Variants in VSIG4 observed in about 807,000 individuals in gnomAD.
VSIG4 encodes V-set and immunoglobulin domain-containing protein 4.
Under a neutral mutation model 23.4 loss-of-function variants are expected in VSIG4, and 34 were observed. The ratio of observed to expected loss-of-function variants is 1.45; its 90% CI spans 1.10 to 1.93. The LOEUF (loss-of-function observed/expected upper bound fraction) is 1.93. Ranked by LOEUF, VSIG4 falls within the 30% of genes most tolerant of loss-of-function variation. VSIG4 has a pLI of 0.00. For synonymous variants in VSIG4, 169 were observed against 120.3 expected, an observed-to-expected ratio of 1.41 and a Z score of -2.65; for missense variants, 433 against 310.8, an observed-to-expected ratio of 1.39 and a Z score of -2.96.
rs140572213 is a variant in VSIG4, at chrX:66,035,522, T to C, written c.56-1692A>G. Reference sequence around the variant, plus strand: ...CTAATCTTAGGTGGTCAAGTGTTAATAGGCTATAATAGAAATAGAAGTTAT... The same window carrying C: ...CTAATCTTAGGTGGTCAAGTGTTAACAGGCTATAATAGAAATAGAAGTTAT... On this transcript the variant is annotated intron_variant, in intron 1 of 7. Transcript: ENST00000374737. 4.8e-3 allele frequency among the ~76,000 whole-genome samples: 539 copies of C among 111,242 alleles called. 4 individuals are homozygous for C. The highest frequency in any genetic ancestry group is 0.017 in the African/African-American group (517 of 30,582).
intron 1 of VSIG4, among the ~76,000 whole-genome samples, chrX:66,038,100 G>A (rs1377131220): frequency 9.0e-6 from 1 of 111,268 alleles, no homozygotes; most frequent in Non-Finnish European, 1.9e-5. Context: ...AAATGTTTCT[G>A]AAATGTTTAA....
rs1241972370 is a variant in VSIG4 at position 66,027,482 on chromosome X, C to T, written c.802G>A (p.Asp268Asn). The change falls in exon 5 of 8, where the codon GAT (aspartate) becomes AAT (asparagine). Residue 268 changes from aspartate to asparagine, a missense_variant. By Grantham distance (23) the Asp-to-Asn change is conservative. Coordinates refer to ENST00000374737, the MANE Select transcript of VSIG4 (RefSeq NM_007268.3). ...GCACTGGTCTCTCCAAGGTAGCCAT[C>T]CATGTCAGTGGTCCAGTCCCAGGAC... ...KQSWDWTTDM[D>N]GYLGETSAGP... The T allele has an allele frequency of 1.7e-6, 2 of 1,205,172 alleles. No individual in the cohort carries two copies. Among genetic ancestry groups the T allele is most frequent in the Non-Finnish European group, 2.2e-6 (2 of 891,807 alleles).
chrX:66,024,873 C>T (rs1017402996), intron 6 of VSIG4, 152 bp downstream of exon 6: 13 of 375,544 alleles, frequency 3.5e-5, no homozygotes, highest in Admixed American at 5.2e-5. Context: ...TTTGCTCGAA[C>T]ATCTGCCTCC....
chrX:66,028,893 G>A (rs1478284501), intron 3 of VSIG4, among the ~76,000 whole-genome samples: 2 of 111,461 alleles, frequency 1.8e-5, no homozygotes, highest in African/African-American at 3.3e-5. Flanking sequence ...GGATGGGGTA[G>A]CATTTGTCAC....
At position 66,022,640 on chromosome X, in the gene VSIG4, C is replaced by G. The variant is rs2085346038; in HGVS notation, c.963-140G>C. ...TTCTGGAAGCAGAAGGCAGATGGATCTAAATTATCCTTTGTGTTCAGAGGG... is the reference window on the plus strand; with the variant it reads ...TTCTGGAAGCAGAAGGCAGATGGATGTAAATTATCCTTTGTGTTCAGAGGG... On this transcript the variant is annotated intron_variant, in intron 7 of 7. Coordinates refer to ENST00000374737, the MANE Select transcript of VSIG4 (RefSeq NM_007268.3). 14 of 1,123,196 alleles carry G rather than the reference C, an allele frequency of 1.2e-5. No homozygotes were observed. In the South Asian group the frequency reaches 3.1e-4, roughly 25 times the overall value. The allele number at this position is 1,123,196 out of a possible 1,213,427, so 92.6% of individuals were successfully genotyped here.
chrX:66,036,589 A>C (rs1230044882), intron 1 of VSIG4, among the ~76,000 whole-genome samples: 1 of 87,019 alleles, frequency 1.1e-5, no homozygotes, highest in African/African-American at 4.3e-5. Flanking sequence ...TAAAGGAAGT[A>C]ATATTATAAT....
In VSIG4 at chrX:66,022,349, G is replaced by A; in HGVS notation, c.1114C>T (p.Gln372Ter). The change falls in exon 8 of 8, where the codon CAG becomes TAG. Residue 372 changes from glutamine (Q) to a stop codon, truncating the protein, a stop_gained. Transcript: ENST00000374737. LOFTEE classifies it low-confidence loss of function (END_TRUNC). ...CIGQEYQIIA[Q>*]INGNYARLLD... is the part of the protein sequence containing the mutation. ...AGGCGGGCGTAGTTGCCATTGATCT[G>A]GGCGATGATCTGGTACTCCTGTCCT... The A allele has an allele frequency of 8.2e-7, 1 of 1,212,143 alleles. No homozygotes were observed. The highest frequency in any genetic ancestry group is 1.1e-6 in the Non-Finnish European group (1 of 895,590).
chrX:66,038,718 C>G (rs1160165797), intron 1 of VSIG4, among the ~76,000 whole-genome samples: 2 of 111,230 alleles, frequency 1.8e-5, no homozygotes, highest in Admixed American at 1.9e-4. Context: ...GCCACTAATG[C>G]TCTTTGGCTT....
intron 1 of VSIG4, 62 bp from the exon 2 acceptor site, chrX:66,033,892 G>A (rs2085498960): frequency 7.7e-6 from 7 of 914,917 alleles, no homozygotes; most frequent in Non-Finnish European, 9.2e-6. Context: ...GGCAACTAAG[G>A]TGACAGTGAC....
At chrX:66,036,650 A>C (rs2085545604) in intron 1 of VSIG4, among the ~76,000 whole-genome samples, 1 of 71,275 alleles carries the variant, frequency 1.4e-5, no homozygotes, top group Non-Finnish European at 2.4e-5. Flanking sequence ...TATTTTAATA[A>C]TATAATATAT....
intron 5 of VSIG4, among the ~76,000 whole-genome samples, chrX:66,026,035 A>G (rs2085386439): frequency 8.9e-6 from 1 of 112,285 alleles, no homozygotes; most frequent in South Asian, 3.7e-4. Context: ...TACAGCAGCC[A>G]TGGAAAAATG....
At chrX:66,025,688 G>A (rs2085381987) in intron 5 of VSIG4, among the ~76,000 whole-genome samples, 1 of 112,119 alleles carries the variant, frequency 8.9e-6, no homozygotes, top group East Asian at 2.8e-4. Context: ...ACTATGGTAG[G>A]CAGAATAATG....
In VSIG4 at chrX:66,021,921, C is replaced by T; in HGVS notation, c.*342G>A. On this transcript the variant is annotated 3_prime_UTR_variant, in exon 8 of 8. Transcript: ENST00000374737. ...CCTCTGAGCTGGCAGAGCTGAGCCT[C>T]CCTCGGGTCTTCTGGTGGCAAGATG... 3 of 521,633 alleles carry T rather than the reference C, an allele frequency of 5.8e-6. No individual in the cohort carries two copies. In the Admixed American group the frequency reaches 1.0e-4, roughly 18 times the overall value. The allele number at this position is 521,633 out of a possible 1,213,427, so 43.0% of individuals were successfully genotyped here.
rs1384445518 is a variant in VSIG4 at position 66,022,843 on chromosome X, GGCT to G, written c.957_959del (p.Ala320del). The G allele has an allele frequency of 2.5e-6, 3 of 1,211,573 alleles. No individual in the cohort carries two copies. On this transcript the variant is annotated inframe_deletion, in exon 7 of 8. Transcript: ENST00000374737. ...TGGAAGAGGAGAGACTTTCTTACCT[GGCT>G]GCTTCGTAGACATGCTCTAGAAAAA...
chrX:66,033,945 C>A, intron 1 of VSIG4, 115 bp from the exon 2 acceptor site: 1 of 582,400 alleles, frequency 1.7e-6, no homozygotes. Context: ...AACTTTCTTT[C>A]TATCACACTT....
At chrX:66,035,484 T>A (rs1429754585) in intron 1 of VSIG4, among the ~76,000 whole-genome samples, 4 of 111,748 alleles carry the variant, frequency 3.6e-5, no homozygotes, top group Non-Finnish European at 7.5e-5. Flanking sequence ...AGCCTTGCTC[T>A]TTAAGGTCCC....
At chrX:66,035,843 C>T (rs777528588) in intron 1 of VSIG4, among the ~76,000 whole-genome samples, 3 of 112,436 alleles carry the variant, frequency 2.7e-5, no homozygotes, top group Non-Finnish European at 5.6e-5. Context: ...GGCAACAAAG[C>T]AGCATTCTGC....
intron 5 of VSIG4, among the ~76,000 whole-genome samples, chrX:66,026,556 C>T (rs1044892040): frequency 2.7e-5 from 3 of 111,676 alleles, no homozygotes; most frequent in Non-Finnish European, 5.6e-5. Context: ...CCAAAGATGG[C>T]AATGCAAATG....
At chrX:66,023,004 G>T in intron 6 of VSIG4, 142 bp from the exon 7 acceptor site, 1 of 637,746 alleles carries the variant, frequency 1.6e-6, no homozygotes, top group Non-Finnish European at 2.4e-6. Flanking sequence ...CAACAACTGG[G>T]AGGTATTGGG....
Sources: allele counts gnomAD v4.1 joint callset (sites outside exome capture counted in the v4.1 genomes callset), GRCh38; gene constraint gnomAD v4.1.1; transcripts MANE v1.5; gene names NCBI Gene and HGNC (gene_info 2026-07-23, HGNC 2026-07-21).